TENM3: variants seen among roughly 807,000 people sequenced by gnomAD.
TENM3 encodes the protein teneurin transmembrane protein 3, also known as teneurin-3.
A neutral mutation model predicts 255.1 loss-of-function variants in TENM3; 63 were observed. That is an observed-to-expected ratio of 0.25 (90% CI 0.20 to 0.30). TENM3 has a LOEUF of 0.30. Among genes scored for constraint, TENM3 ranks in the 10% least tolerant of loss-of-function variants. TENM3 has a pLI of 1.00. For missense variants in TENM3, 2,929 were observed against 3,461.1 expected (o/e 0.85, Z 3.86); for synonymous variants, 1,306 against 1,322.3 (o/e 0.99, Z 0.27).
chr4:182,765,823 G>A (rs1763670289), intron 22 of TENM3, among the ~76,000 whole-genome samples: 1 of 152,156 alleles, frequency 6.6e-6, no homozygotes, highest in Admixed American at 6.5e-5. Flanking sequence ...AAGAAAATAT[G>A]TGATTTTTAC....
intron 1 of TENM3, among the ~76,000 whole-genome samples, chr4:182,250,233 T>C (rs1238597501): frequency 6.6e-6 from 1 of 151,846 alleles, no homozygotes; most frequent in Non-Finnish European, 1.5e-5. Flanking sequence ...TTTGTATTTT[T>C]AGTAGAGACG....
At chr4:182,702,193 T>G (rs1374326392) in intron 12 of TENM3, among the ~76,000 whole-genome samples, 1 of 152,092 alleles carries the variant, frequency 6.6e-6, no homozygotes, top group Non-Finnish European at 1.5e-5. Context: ...TGACCAGGAA[T>G]TGTGCATCTA....
At chr4:182,229,883 G>A (rs542321217) in intron 1 of TENM3, among the ~76,000 whole-genome samples, 1 of 152,144 alleles carries the variant, frequency 6.6e-6, no homozygotes, top group African/African-American at 2.4e-5. Context: ...AATTTGGAAG[G>A]ATGGTGTTTA....
chr4:182,331,470 C>G (rs1490568186), intron 2 of TENM3, among the ~76,000 whole-genome samples: 2 of 152,088 alleles, frequency 1.3e-5, no homozygotes, highest in African/African-American at 4.8e-5. Flanking sequence ...CGCTTGAACC[C>G]TTGAGATGGA....
intron 1 of TENM3, among the ~76,000 whole-genome samples, chr4:182,224,646 C>T (rs1756033891): frequency 6.6e-6 from 1 of 151,932 alleles, no homozygotes; most frequent in South Asian, 2.1e-4. Flanking sequence ...GTGCACAGCC[C>T]ATAATAGGCC....
At chr4:181,991,198 C>A in the TENM3 span, among the ~76,000 whole-genome samples, 1 of 152,126 alleles carries the variant, frequency 6.6e-6, no homozygotes, top group African/African-American at 2.4e-5. Flanking sequence ...AAAAAATGCT[C>A]CCCTAAAGTT....
the TENM3 span, among the ~76,000 whole-genome samples, chr4:182,097,828 A>G: frequency 0.044 from 6,730 of 152,150 alleles, 201 homozygotes; most frequent in South Asian, 0.081. Context: ...TGAATTAGGA[A>G]TTCATGCTAT....
chr4:181,908,574 TTTTAGACTATTCTGAA>T, the TENM3 span, among the ~76,000 whole-genome samples: 1 of 152,190 alleles, frequency 6.6e-6, no homozygotes, highest in East Asian at 1.9e-4. Context: ...AAAAATGACA[TTTTAGACTATTCTGAA>T]TTTAGAAGCA....
the TENM3 span, among the ~76,000 whole-genome samples, chr4:182,011,606 T>C: frequency 6.6e-6 from 1 of 152,204 alleles, no homozygotes; most frequent in South Asian, 2.1e-4. Context: ...GTCTGTAGAA[T>C]CCAATCCCTG....
the TENM3 span, among the ~76,000 whole-genome samples, chr4:181,826,799 T>C: frequency 1.7e-4 from 26 of 152,316 alleles, no homozygotes; most frequent in South Asian, 1.2e-3. Context: ...AAGGTATTCT[T>C]TAAAAGCTCC....
At chr4:181,520,188 T>G in the TENM3 span, among the ~76,000 whole-genome samples, 1 of 152,158 alleles carries the variant, frequency 6.6e-6, no homozygotes, top group African/African-American at 2.4e-5. Flanking sequence ...GGCCTTAAAT[T>G]TACCACTTGT....
At chr4:181,504,067 C>G in the TENM3 span, among the ~76,000 whole-genome samples, 2 of 152,204 alleles carry the variant, frequency 1.3e-5, no homozygotes, top group Admixed American at 6.5e-5. Flanking sequence ...CCTTTAGTTA[C>G]CTGGTTTACA....
chr4:182,779,423 G>A (rs968243265), intron 24 of TENM3, among the ~76,000 whole-genome samples: 1 of 152,122 alleles, frequency 6.6e-6, no homozygotes, highest in Non-Finnish European at 1.5e-5. Context: ...ATTCCATGGT[G>A]TATATGTGCC....
chr4:182,645,343 C>T (rs1411149765), intron 5 of TENM3, among the ~76,000 whole-genome samples: 2 of 151,986 alleles, frequency 1.3e-5, no homozygotes, highest in African/African-American at 2.4e-5. Flanking sequence ...CAAAGTCATC[C>T]ATCCACATGG....
the TENM3 span, among the ~76,000 whole-genome samples, chr4:181,701,748 T>A: frequency 6.6e-6 from 1 of 152,218 alleles, no homozygotes; most frequent in East Asian, 1.9e-4. Context: ...AAGCTGAGAA[T>A]TCATGTAAAT....
At chr4:182,481,094 A>G (rs917869339) in intron 3 of TENM3, among the ~76,000 whole-genome samples, 1 of 152,150 alleles carries the variant, frequency 6.6e-6, no homozygotes, top group Non-Finnish European at 1.5e-5. Flanking sequence ...GCCAAAGTGA[A>G]TAATTGAGAA....
intron 3 of TENM3, among the ~76,000 whole-genome samples, chr4:182,514,227 A>AAATGGGG (rs1475614846): frequency 6.6e-6 from 1 of 152,206 alleles, no homozygotes. Flanking sequence ...AAAGCAGTGA[A>AAATGGGG]AATGGGGATG....
At chr4:181,950,901 G>A in the TENM3 span, among the ~76,000 whole-genome samples, 5 of 152,086 alleles carry the variant, frequency 3.3e-5, no homozygotes, top group Admixed American at 1.3e-4. Context: ...AATTAGCCAG[G>A]CATGGTAGCA....
intron 3 of TENM3, among the ~76,000 whole-genome samples, chr4:182,497,930 G>A (rs1172480364): frequency 6.7e-6 from 1 of 148,628 alleles, no homozygotes; most frequent in Non-Finnish European, 1.5e-5. Context: ...ACAAAGCCTT[G>A]TACATGTAAC....
Sources: allele counts gnomAD v4.1 joint callset (sites outside exome capture counted in the v4.1 genomes callset), GRCh38; gene constraint gnomAD v4.1.1; transcripts MANE v1.5; gene names NCBI Gene and HGNC (gene_info 2026-07-23, HGNC 2026-07-21).